The following ATP9B variants were observed in gnomAD, a reference collection of about 807,000 sequenced individuals.
ATP9B encodes the protein probable phospholipid-transporting ATPase IIB.
A neutral mutation model predicts 146.1 loss-of-function variants in ATP9B; 110 were observed. The observed-to-expected ratio is 0.75, with a 90% CI of 0.65 to 0.88. The LOEUF (loss-of-function observed/expected upper bound fraction) is 0.88. ATP9B is among the 40% of genes least tolerant of loss of function. The pLI is 0.00. For synonymous variants in ATP9B, 604 were observed against 569.7 expected (o/e 1.06, Z -0.86); for missense variants, 1,499 against 1,496.4 (o/e 1.00, Z -0.03).
chr18:79,329,426 G>A (rs563984651), intron 16 of ATP9B, 124 bp downstream of exon 16: 4 of 1,044,198 alleles, frequency 3.8e-6, no homozygotes, highest in Non-Finnish European at 5.1e-6. Context: ...TTACAGTTTT[G>A]TTTGTTTTTT....
chr18:79,157,843 G>A (rs1022551023), intron 7 of ATP9B, among the ~76,000 whole-genome samples: 4 of 152,066 alleles, frequency 2.6e-5, no homozygotes, highest in Non-Finnish European at 4.4e-5. Context: ...CTGTCAGGTT[G>A]GTAGTAATGT....
At chr18:79,327,575 G>A (rs1360081902) in intron 15 of ATP9B, among the ~76,000 whole-genome samples, 8 of 141,302 alleles carry the variant, frequency 5.7e-5, no homozygotes, top group African/African-American at 1.1e-4. Flanking sequence ...CGTGGTTAGC[G>A]TGCTCTCCGT....
chr18:79,332,297 C>A (rs928830636), intron 17 of ATP9B, among the ~76,000 whole-genome samples: 3 of 152,050 alleles, frequency 2.0e-5, no homozygotes, highest in Non-Finnish European at 4.4e-5. Context: ...GGTGTGGTGG[C>A]GGGCGCCTGT....
At chr18:79,256,257 CTATATATATATATATA>C (rs10531617) in intron 12 of ATP9B, among the ~76,000 whole-genome samples, 10 of 100,398 alleles carry the variant, frequency 1.0e-4, no homozygotes, top group Admixed American at 3.0e-4. Context: ...TTCTAGCTAG[CTATATATATATATATA>C]TATATATATA....
intron 5 of ATP9B, among the ~76,000 whole-genome samples, chr18:79,139,922 A>C (rs919030003): frequency 1.3e-5 from 2 of 152,228 alleles, no homozygotes; most frequent in African/African-American, 4.8e-5. Context: ...GGAAAGAAGA[A>C]ACTACATGTC....
At chr18:79,376,953 C>T (rs1478478722) in intron 29 of ATP9B, among the ~76,000 whole-genome samples, 2 of 152,136 alleles carry the variant, frequency 1.3e-5, no homozygotes, top group African/African-American at 4.8e-5. Flanking sequence ...TCTGCCTTGG[C>T]CTCCCAAAAG....
chr18:79,340,709 G>T (rs116560016), intron 19 of ATP9B, among the ~76,000 whole-genome samples: 1 of 151,960 alleles, frequency 6.6e-6, no homozygotes, highest in Non-Finnish European at 1.5e-5. Flanking sequence ...TTACTCTATC[G>T]TCTAGGAATA....
intron 8 of ATP9B, among the ~76,000 whole-genome samples, chr18:79,191,739 C>T (rs146911483): frequency 0.011 from 1,746 of 152,286 alleles, 13 homozygotes; most frequent in Middle Eastern, 0.044. Context: ...TTAAGATGTG[C>T]TAAAGCTGCT....
chr18:79,301,951 G>C (rs117720981), intron 13 of ATP9B, among the ~76,000 whole-genome samples: 1 of 152,200 alleles, frequency 6.6e-6, no homozygotes, highest in Non-Finnish European at 1.5e-5. Flanking sequence ...TGAGCCAGCT[G>C]ACCTCTTGAG....
intron 15 of ATP9B, among the ~76,000 whole-genome samples, chr18:79,326,896 G>A (rs974554017): frequency 6.6e-6 from 1 of 152,188 alleles, no homozygotes; most frequent in Non-Finnish European, 1.5e-5. Flanking sequence ...ACTGTCCACT[G>A]TGTGCCCTCA....
intron 26 of ATP9B, among the ~76,000 whole-genome samples, chr18:79,365,969 C>A (rs574499240): frequency 6.6e-6 from 1 of 152,298 alleles, no homozygotes; most frequent in South Asian, 2.1e-4. Flanking sequence ...GTGGACATGG[C>A]CAGCCTGTGT....
chr18:79,256,284 T>TATATATATATATATATACAC (rs1217998447), intron 12 of ATP9B, among the ~76,000 whole-genome samples: 1 of 122,898 alleles, frequency 8.1e-6, no homozygotes, highest in Non-Finnish European at 1.8e-5. Context: ...TATATATATA[T>TATATATATATATATATACAC]ATACATACAT....
intron 2 of ATP9B, among the ~76,000 whole-genome samples, chr18:79,108,821 G>A (rs545837606): frequency 6.6e-6 from 1 of 152,138 alleles, no homozygotes; most frequent in African/African-American, 2.4e-5. Flanking sequence ...ACCAACTTCA[G>A]TTGAGACACA....
chr18:79,278,483 A>G lies in ATP9B; in HGVS notation c.1411+1287A>G, dbSNP rs145026389. Among the ~76,000 whole-genome samples, 34 of 152,366 alleles carry G rather than the reference A, an allele frequency of 2.2e-4. 1 individual carries two copies. In the East Asian group the frequency reaches 6.4e-3, roughly 29 times the overall value. ...GGGTTCTGACACAGTTAAGGTAGAC[A>G]GGGCTAGGCCATGGTATTCGGAAGG... is the stretch of plus-strand genomic sequence containing the variant. On this transcript the variant is annotated intron_variant, in intron 13 of 29. Transcript: ENST00000426216.
intron 8 of ATP9B, among the ~76,000 whole-genome samples, chr18:79,186,711 T>G (rs1019356767): frequency 6.6e-6 from 1 of 152,194 alleles, no homozygotes; most frequent in Admixed American, 6.5e-5. Context: ...TTAAATAAAT[T>G]TTTGCTATTA....
intron 12 of ATP9B, among the ~76,000 whole-genome samples, chr18:79,257,038 G>A (rs939211993): frequency 6.6e-6 from 1 of 152,136 alleles, no homozygotes; most frequent in African/African-American, 2.4e-5. Context: ...AGGGGCTCAC[G>A]CCTGTAATCC....
At chr18:79,118,318 G>A (rs1462697230) in intron 4 of ATP9B, among the ~76,000 whole-genome samples, 1 of 144,642 alleles carries the variant, frequency 6.9e-6, no homozygotes, top group Non-Finnish European at 1.5e-5. Context: ...AAGCAGTATA[G>A]CATTATAGAA....
At chr18:79,127,256 A>G (rs1292023548) in intron 5 of ATP9B, among the ~76,000 whole-genome samples, 1 of 152,200 alleles carries the variant, frequency 6.6e-6, no homozygotes, top group Non-Finnish European at 1.5e-5. Flanking sequence ...TGGTGTATTC[A>G]TAAAGTTGTG....
chr18:79,207,024 A>T lies in ATP9B; in HGVS notation c.1030+12A>T, dbSNP rs777169273. The T allele has an allele frequency of 1.2e-6, 2 of 1,611,202 alleles. No individual in the cohort carries two copies. The highest frequency in any genetic ancestry group is 1.7e-6 in the Non-Finnish European group (2 of 1,177,370). On this transcript the variant is annotated intron_variant, in intron 10 of 29. Transcript: ENST00000426216. ...CATTGTTGCATCAGGTAAGGAAAACATTCTCCTCTGAGTGTGATTGCTCCC... is the reference window on the plus strand; with the variant it reads ...CATTGTTGCATCAGGTAAGGAAAACTTTCTCCTCTGAGTGTGATTGCTCCC...
Sources: allele counts gnomAD v4.1 joint callset (sites outside exome capture counted in the v4.1 genomes callset), GRCh38; gene constraint gnomAD v4.1.1; transcripts MANE v1.5; gene names NCBI Gene and HGNC (gene_info 2026-07-23, HGNC 2026-07-21).